Variants in TG observed in about 807,000 individuals in gnomAD.
TG encodes the protein thyroid hormones.
In TG, 270 loss-of-function variants were observed where a neutral mutation model predicts 324.7. That is an observed-to-expected ratio of 0.83 (90% CI 0.75 to 0.92). The LOEUF (loss-of-function observed/expected upper bound fraction) is 0.92, where lower values mean the gene tolerates loss of function less well. Ranked by LOEUF, TG falls within the 40% of genes least tolerant of loss-of-function variation. TG has a pLI of 0.00. For synonymous variants in TG, 1,401 were observed against 1,327.0 expected (o/e 1.06, Z -1.21); for missense variants, 3,591 against 3,456.4 (o/e 1.04, Z -0.98).
intron 28 of TG, among the ~76,000 whole-genome samples, chr8:132,961,936 C>G (rs1478827994): frequency 6.6e-6 from 1 of 152,196 alleles, no homozygotes; most frequent in Non-Finnish European, 1.5e-5. Flanking sequence ...TCCTATCAAT[C>G]CCCATTCATG....
At chr8:132,976,065 A>C (rs1427932939) in intron 34 of TG, among the ~76,000 whole-genome samples, 1 of 152,212 alleles carries the variant, frequency 6.6e-6, no homozygotes, top group Non-Finnish European at 1.5e-5. Flanking sequence ...ATATGAGGAA[A>C]TATGATTAAA....
Position 132,999,520 on chromosome 8 carries a change from G to A in TG, c.6263-12381G>A, listed in dbSNP as rs973278424. 5.9e-5 allele frequency among the ~76,000 whole-genome samples: 9 copies of A among 152,232 alleles called. 1 individual carries two copies. The South Asian group carries it at 1.0e-3, about 18-fold the overall frequency. On this transcript the variant is annotated intron_variant, in intron 35 of 47. Coordinates refer to ENST00000220616, the MANE Select transcript of TG (RefSeq NM_003235.5). Reference sequence around the variant, plus strand: ...TGTAGGATTTTTGGTTCCCAGGTGTGGACTACCCACCCATTGAGGTGCATA... The same window carrying A: ...TGTAGGATTTTTGGTTCCCAGGTGTAGACTACCCACCCATTGAGGTGCATA...
chr8:133,029,614 G>T (rs927801967), intron 40 of TG, among the ~76,000 whole-genome samples: 1 of 152,228 alleles, frequency 6.6e-6, no homozygotes. Flanking sequence ...TAGCTGGCTA[G>T]CATTCAGGCC....
At chr8:132,930,298 A>G (rs1822512743) in intron 23 of TG, among the ~76,000 whole-genome samples, 1 of 152,246 alleles carries the variant, frequency 6.6e-6, no homozygotes, top group Non-Finnish European at 1.5e-5. Flanking sequence ...TGAGGATGGC[A>G]GACTTGAGGG....
chr8:132,993,656 C>T (rs973040901), intron 35 of TG, among the ~76,000 whole-genome samples: 6 of 152,122 alleles, frequency 3.9e-5, no homozygotes, highest in Non-Finnish European at 5.9e-5. Flanking sequence ...GCCTGGGAGG[C>T]ACTTGACAAA....
intron 45 of TG, among the ~76,000 whole-genome samples, chr8:133,121,762 A>T (rs927557581): frequency 6.6e-6 from 1 of 152,218 alleles, no homozygotes; most frequent in Non-Finnish European, 1.5e-5. Flanking sequence ...AGACAGGCAA[A>T]TAGTGCTAAG....
intron 39 of TG, among the ~76,000 whole-genome samples, chr8:133,020,750 A>G (rs1835484317): frequency 1.3e-5 from 2 of 152,304 alleles, no homozygotes; most frequent in South Asian, 2.1e-4. Context: ...CTCTGCTTTC[A>G]CAGCTGTAGA....
chr8:132,939,118 C>T (rs188366943), intron 25 of TG, among the ~76,000 whole-genome samples: 1 of 150,994 alleles, frequency 6.6e-6, no homozygotes, highest in East Asian at 2.0e-4. Flanking sequence ...GTGGAAGATA[C>T]CAAGGGGAGC....
chr8:133,023,075 C>T (rs1239841540), intron 40 of TG, among the ~76,000 whole-genome samples: 2 of 152,118 alleles, frequency 1.3e-5, no homozygotes, highest in Admixed American at 6.6e-5. Context: ...CTGAGATATC[C>T]TACGTGCTAA....
chr8:133,038,368 T>C lies in TG; in HGVS notation c.7239+8345T>C. On this transcript the variant is annotated intron_variant, in intron 41 of 47. Transcript: ENST00000220616. ...GGGGTTCCTTTGGTCATGATGTGGA[T>C]AGAGAAGATGCGAATTTGAGTCTCC... 4.7e-6 allele frequency: 3 copies of C among 643,424 alleles called. No homozygotes were observed. In the South Asian group the frequency reaches 5.6e-5, roughly 12 times the overall value. 39.9% of individuals were successfully genotyped at this position (643,424 alleles called of 1,614,324 possible). A position where few individuals can be genotyped will look rare whatever the true frequency, so the allele number is the denominator to read the frequency against.
chr8:132,997,508 AGAG>A (rs1293529742), intron 35 of TG, among the ~76,000 whole-genome samples: 6 of 152,202 alleles, frequency 3.9e-5, no homozygotes, highest in Middle Eastern at 6.8e-3. Context: ...CCCCTTGAGG[AGAG>A]GAGGAGACAC....
In TG at chr8:133,019,594, A is replaced by T. The variant is rs780817859; in HGVS notation, c.6783-8A>T. ...ATGTCTTGGAAGTCACCCAGTCTGT[A>T]TCTGCAGGGCCAGCTGCTGGCAGCC... On this transcript the variant is annotated splice_region_variant and splice_polypyrimidine_tract_variant and intron_variant, in intron 38 of 47. Coordinates refer to ENST00000220616, the MANE Select transcript of TG (RefSeq NM_003235.5). 1.9e-6 allele frequency: 3 copies of T among 1,613,160 alleles called. No homozygotes were observed. The highest frequency in any genetic ancestry group is 2.5e-6 in the Non-Finnish European group (3 of 1,179,480).
intron 22 of TG, among the ~76,000 whole-genome samples, chr8:132,928,776 A>G (rs113638496): frequency 3.3e-4 from 51 of 152,382 alleles, no homozygotes; most frequent in African/African-American, 8.7e-4. Flanking sequence ...ACAGAGAAAT[A>G]TAAGTTTATA....
intron 20 of TG, 59 bp from the exon 21 acceptor site, chr8:132,919,317 G>A (rs1692339497): frequency 6.4e-7 from 1 of 1,564,994 alleles, no homozygotes; most frequent in African/African-American, 1.4e-5. Flanking sequence ...TGTGTTCTGG[G>A]ATTGTAACTG....
rs573857963 is a variant in TG at position 132,901,834 on chromosome 8, T to C, written c.3634+281T>C. Among the ~76,000 whole-genome samples the C allele has an allele frequency of 1.6e-3, 248 of 152,318 alleles. 2 individuals are homozygous for C. The highest frequency in any genetic ancestry group is 5.5e-3 in the African/African-American group (230 of 41,572). On this transcript the variant is annotated intron_variant, in intron 16 of 47. Transcript: ENST00000220616. ...TGTCCTGCCCGGGAGTTTTGGGTCTTATTCTCTGTGTCTTCAGATGGGGAG... is the reference window on the plus strand; with the variant it reads ...TGTCCTGCCCGGGAGTTTTGGGTCTCATTCTCTGTGTCTTCAGATGGGGAG...
Position 133,001,779 on chromosome 8 carries a change from T to C in TG, c.6263-10122T>C, listed in dbSNP as rs73359313. 4.7e-3 allele frequency: 4,623 copies of C among 985,446 alleles called. 172 individuals are homozygous for C. In the African/African-American group the frequency reaches 0.075, roughly 16 times the overall value. 61.0% of individuals were successfully genotyped at this position (985,446 alleles called of 1,614,324 possible). ...TCTATTCTGCTTATCACAGGGATCA[T>C]GAAGGTTTGCTGGGGGCCTGAAAGA... On this transcript the variant is annotated intron_variant, in intron 35 of 47. Transcript: ENST00000220616.
rs116980020 is a variant in TG, at chr8:132,895,807, G to A, written c.3002-1842G>A. On this transcript the variant is annotated intron_variant, in intron 11 of 47. Transcript: ENST00000220616. ...CACTTTGGTCAGGGAGGGAAATGTC[G>A]AGAAAGGGGAGGCAATGTTGCTGGT... Among the ~76,000 whole-genome samples, 14 of 152,356 alleles carry A rather than the reference G, an allele frequency of 9.2e-5. No individual in the cohort carries two copies. The East Asian group carries it at 2.1e-3, about 23-fold the overall frequency.
At chr8:132,986,623 T>G (rs568991862) in intron 35 of TG, among the ~76,000 whole-genome samples, 1 of 152,284 alleles carries the variant, frequency 6.6e-6, no homozygotes, top group East Asian at 1.9e-4. Context: ...TCCATTTCTT[T>G]ATTTTTGGTC....
At chr8:133,133,721 C>G in intron 47 of TG, 61 bp downstream of exon 47, 1 of 1,565,020 alleles carries the variant, frequency 6.4e-7, no homozygotes. Context: ...CTGCTGTGCT[C>G]GCTGCATGAG....
Sources: gnomAD v4.1 joint callset for allele counts (sites outside exome capture counted in the v4.1 genomes callset) on GRCh38, gnomAD v4.1.1 for gene constraint, MANE v1.5 for transcripts, NCBI Gene and HGNC (gene_info 2026-07-23, HGNC 2026-07-21) for gene names.